The following MACROD2 variants were observed in gnomAD, a reference collection of about 807,000 sequenced individuals.
MACROD2 encodes ADP-ribose glycohydrolase MACROD2.
A neutral mutation model predicts 70.4 loss-of-function variants in MACROD2; 36 were observed. The ratio of observed to expected loss-of-function variants is 0.51; its 90% confidence interval spans 0.39 to 0.68. The LOEUF is 0.68. Ranked by LOEUF, MACROD2 falls within the 30% of genes least tolerant of loss-of-function variation. MACROD2 has a pLI of 0.00. For missense variants in MACROD2, 496 were observed against 538.4 expected, an observed-to-expected ratio of 0.92 and a Z score of 0.78; for synonymous variants, 172 against 178.8, an observed-to-expected ratio of 0.96 and a Z score of 0.30.
intron 2 of MACROD2, among the ~76,000 whole-genome samples, chr20:14,084,067 AAAACAAAAAACAAAC>A (rs1332462699): frequency 1.4e-5 from 2 of 145,208 alleles, no homozygotes; most frequent in African/African-American, 2.5e-5. Flanking sequence ...GTCTCAAAAA[AAAACAAAAAACAAAC>A]AAAAAAAAAC....
intron 3 of MACROD2, among the ~76,000 whole-genome samples, chr20:14,234,363 A>G: frequency 6.6e-6 from 1 of 152,214 alleles, no homozygotes. Flanking sequence ...TGATATTCAT[A>G]TAATTCCAAG....
intron 4 of MACROD2, among the ~76,000 whole-genome samples, chr20:14,651,782 A>C (rs558111093): frequency 1.3e-5 from 2 of 152,248 alleles, no homozygotes; most frequent in East Asian, 1.9e-4. Flanking sequence ...ATGGACTCCA[A>C]CTATCTTCCT....
intron 5 of MACROD2, among the ~76,000 whole-genome samples, chr20:15,005,377 T>C (rs2075027657): frequency 6.6e-6 from 1 of 152,228 alleles, no homozygotes; most frequent in Admixed American, 6.5e-5. Flanking sequence ...AAGTGTCCTC[T>C]GTACAGACTT....
chr20:15,033,938 A>T (rs893888319), intron 5 of MACROD2, among the ~76,000 whole-genome samples: 1 of 152,220 alleles, frequency 6.6e-6, no homozygotes, highest in Non-Finnish European at 1.5e-5. Context: ...AATGAATGAG[A>T]GTTCAGACGG....
At chr20:15,292,106 G>T (rs73262792) in intron 6 of MACROD2, among the ~76,000 whole-genome samples, 1,954 of 152,194 alleles carry the variant, frequency 0.013, 17 homozygotes, top group African/African-American at 0.028. Flanking sequence ...GGACTCCTGG[G>T]CTCAAGTGAT....
At chr20:14,459,360 G>A (rs540838455) in intron 3 of MACROD2, among the ~76,000 whole-genome samples, 2 of 152,056 alleles carry the variant, frequency 1.3e-5, no homozygotes, top group East Asian at 1.9e-4. Context: ...ATACTTATGA[G>A]ACATATACAT....
At chr20:14,545,344 C>T (rs146354132) in intron 4 of MACROD2, among the ~76,000 whole-genome samples, 55 of 152,244 alleles carry the variant, frequency 3.6e-4, no homozygotes, top group Middle Eastern at 3.4e-3. Flanking sequence ...CCTCTGAACT[C>T]ACTTCCTAAA....
chr20:14,095,597 A>G (rs929168537), intron 3 of MACROD2, among the ~76,000 whole-genome samples: 5 of 152,198 alleles, frequency 3.3e-5, no homozygotes, highest in South Asian at 2.1e-4. Flanking sequence ...CACAGAAGCT[A>G]TGATACCATC....
chr20:16,052,881 C>A lies in MACROD2; in HGVS notation c.*3005C>A, dbSNP rs1033898155. 1.3e-4 allele frequency: 20 copies of A among 152,550 alleles called. No homozygotes were observed. Among genetic ancestry groups the A allele is most frequent in the Non-Finnish European group, 1.5e-4 (10 of 67,994 alleles). 9.4% of individuals were successfully genotyped at this position (152,550 alleles called of 1,614,324 possible). A position where few individuals can be genotyped will look rare whatever the true frequency, so the allele number is the denominator to read the frequency against. ...TATTACATGATTCATTAAGGATTTG[C>A]CTTACCCTGACATTTGTGATATAAA... On this transcript the variant is annotated 3_prime_UTR_variant, in exon 18 of 18. Transcript: ENST00000684519.
chr20:15,649,775 A>T (rs1455679956), intron 8 of MACROD2, among the ~76,000 whole-genome samples: 1 of 152,138 alleles, frequency 6.6e-6, no homozygotes, highest in African/African-American at 2.4e-5. Context: ...ATAGGCTTGG[A>T]AAAAAATCTG....
At chr20:15,646,407 G>T (rs1367033008) in intron 8 of MACROD2, among the ~76,000 whole-genome samples, 4 of 152,154 alleles carry the variant, frequency 2.6e-5, no homozygotes, top group Non-Finnish European at 5.9e-5. Context: ...GGAAATTTGT[G>T]CTGAAAAGTC....
At chr20:15,185,637 G>A (rs530051917) in intron 5 of MACROD2, among the ~76,000 whole-genome samples, 2 of 152,178 alleles carry the variant, frequency 1.3e-5, no homozygotes, top group African/African-American at 2.4e-5. Context: ...TAAATATAAC[G>A]ACTTAGATGG....
At chr20:15,489,834 G>A (rs895403748) in intron 7 of MACROD2, among the ~76,000 whole-genome samples, 12 of 152,212 alleles carry the variant, frequency 7.9e-5, no homozygotes, top group African/African-American at 2.9e-4. Flanking sequence ...GAGGGGGTGT[G>A]GGCTGGTATA....
At chr20:14,110,117 G>A (rs1397320509) in intron 3 of MACROD2, among the ~76,000 whole-genome samples, 1 of 151,804 alleles carries the variant, frequency 6.6e-6, no homozygotes, top group Non-Finnish European at 1.5e-5. Flanking sequence ...TGGAATGAAA[G>A]ACAAAAACCG....
intron 8 of MACROD2, among the ~76,000 whole-genome samples, chr20:15,626,859 C>T (rs2049210140): frequency 6.6e-6 from 1 of 151,248 alleles, no homozygotes; most frequent in South Asian, 2.1e-4. Context: ...CATACCCCAC[C>T]CCCCCAAAAA....
At chr20:14,947,349 G>A (rs2074440964) in intron 5 of MACROD2, among the ~76,000 whole-genome samples, 3 of 152,174 alleles carry the variant, frequency 2.0e-5, no homozygotes, top group African/African-American at 4.8e-5. Flanking sequence ...TTCTGACTCC[G>A]GCATTGGCCA....
chr20:15,242,526 T>C (rs1290859165), intron 6 of MACROD2, among the ~76,000 whole-genome samples: 1 of 152,216 alleles, frequency 6.6e-6, no homozygotes, highest in East Asian at 1.9e-4. Context: ...TTGTTTTTGG[T>C]GTTATAGAAT....
In MACROD2 at chr20:14,326,297, C is replaced by G; in HGVS notation, c.272-167182C>G. ...GTAATTGTTTTTCTTGAGGGACTCC[C>G]TGTGGTTTGGTGATCCTTAGTGAGC... On this transcript the variant is annotated intron_variant, in intron 3 of 17. Coordinates refer to ENST00000684519, the MANE Select transcript of MACROD2 (RefSeq NM_001351661.2). The surrounding 1 kb of genome is among the most constrained non-coding windows in gnomAD (Gnocchi z 5.5). The G allele has an allele frequency of 6.2e-7, 1 of 1,613,872 alleles. No homozygotes were observed. Among genetic ancestry groups the G allele is most frequent in the Non-Finnish European group, 8.5e-7 (1 of 1,179,868 alleles).
intron 3 of MACROD2, among the ~76,000 whole-genome samples, chr20:14,209,702 T>C (rs1250569286): frequency 6.6e-6 from 1 of 152,248 alleles, no homozygotes; most frequent in Non-Finnish European, 1.5e-5. Context: ...CCCTAGGTAC[T>C]GTAGGGCATC....
Sources: allele counts gnomAD v4.1 joint callset (sites outside exome capture counted in the v4.1 genomes callset), GRCh38; gene constraint gnomAD v4.1.1; non-coding constraint Gnocchi (gnomAD v3.1); transcripts MANE v1.5; gene names NCBI Gene and HGNC (gene_info 2026-07-23, HGNC 2026-07-21).